Variants in JMJD1C observed in about 807,000 individuals in gnomAD.
The protein encoded by JMJD1C is jumonji domain-containing protein 1C.
In JMJD1C, 31 loss-of-function variants were observed where a neutral mutation model predicts 245.3. The ratio of observed to expected loss-of-function variants is 0.13; its 90% confidence interval spans 0.09 to 0.17. The LOEUF (loss-of-function observed/expected upper bound fraction) is 0.17. Ranked by LOEUF, JMJD1C falls within the 10% of genes least tolerant of loss-of-function variation. The probability of loss-of-function intolerance (pLI) is 1.00; values close to 1 mark genes in which losing one functional copy is unlikely to be tolerated. For synonymous variants in JMJD1C, 1,057 were observed against 1,017.4 expected, an observed-to-expected ratio of 1.04 and a Z score of -0.74; for missense variants, 2,691 against 3,000.2, an observed-to-expected ratio of 0.90 and a Z score of 2.41.
At chr10:63,339,252 C>T (rs1251829668) in intron 2 of JMJD1C, among the ~76,000 whole-genome samples, 1 of 152,086 alleles carries the variant, frequency 6.6e-6, no homozygotes, top group Non-Finnish European at 1.5e-5. Flanking sequence ...TCTTAGGAAA[C>T]AGTGCTGTAA....
chr10:63,219,754 G>A (rs532657070), intron 4 of JMJD1C, 124 bp downstream of exon 4: 2 of 567,234 alleles, frequency 3.5e-6, no homozygotes, highest in East Asian at 2.7e-5. Context: ...TTTCCTGGAT[G>A]TATATAACTC....
intron 3 of JMJD1C, among the ~76,000 whole-genome samples, chr10:63,244,802 T>C (rs2133550982): frequency 8.8e-6 from 1 of 113,202 alleles, no homozygotes; most frequent in East Asian, 3.2e-4. Flanking sequence ...GCAACACTCC[T>C]TCTCTTAAAA....
intron 1 of JMJD1C, among the ~76,000 whole-genome samples, chr10:63,462,057 C>G (rs542435482): frequency 3.3e-5 from 5 of 151,984 alleles, no homozygotes; most frequent in Non-Finnish European, 5.9e-5. Flanking sequence ...TATCCCAAGA[C>G]AAAACTCAGT....
intron 1 of JMJD1C, among the ~76,000 whole-genome samples, chr10:63,429,458 T>G (rs1950624186): frequency 6.6e-6 from 1 of 152,242 alleles, no homozygotes; most frequent in African/African-American, 2.4e-5. Flanking sequence ...ACTCATTTAT[T>G]GGCCAGAATT....
chr10:63,470,620 C>T (rs950132089), upstream of JMJD1C, among the ~76,000 whole-genome samples: 28 of 152,298 alleles, frequency 1.8e-4, no homozygotes, highest in East Asian at 5.4e-3. Flanking sequence ...ATCCAAAACA[C>T]TAGTCTATTC....
intron 3 of JMJD1C, among the ~76,000 whole-genome samples, chr10:63,233,724 A>ATT (rs1367247804): frequency 6.4e-4 from 81 of 127,330 alleles, no homozygotes; most frequent in Middle Eastern, 3.8e-3. Flanking sequence ...ATATATACAT[A>ATT]TTATATATAT....
At chr10:63,457,411 A>T (rs1463114806) in intron 1 of JMJD1C, among the ~76,000 whole-genome samples, 4 of 152,222 alleles carry the variant, frequency 2.6e-5, no homozygotes, top group African/African-American at 9.6e-5. Flanking sequence ...AAAGCTTCCA[A>T]ACAGTAGAGA....
chr10:63,260,960 TAAAA>T (rs1339106138), intron 3 of JMJD1C, among the ~76,000 whole-genome samples: 1 of 152,082 alleles, frequency 6.6e-6, no homozygotes, highest in Admixed American at 6.6e-5. Context: ...CCCAGCTAGC[TAAAA>T]AACACAGTAG....
intron 2 of JMJD1C, among the ~76,000 whole-genome samples, chr10:63,266,822 G>A (rs1855630071): frequency 6.6e-6 from 1 of 152,110 alleles, no homozygotes; most frequent in South Asian, 2.1e-4. Context: ...AAATAATACA[G>A]GTGGCTTGCA....
intron 2 of JMJD1C, among the ~76,000 whole-genome samples, chr10:63,350,421 C>T (rs544992431): frequency 6.6e-6 from 1 of 152,132 alleles, no homozygotes; most frequent in Non-Finnish European, 1.5e-5. Context: ...AGTCAAATAA[C>T]TTTTGCATAG....
chr10:63,377,746 T>A (rs535340218), intron 2 of JMJD1C, among the ~76,000 whole-genome samples: 1 of 150,962 alleles, frequency 6.6e-6, no homozygotes, highest in Non-Finnish European at 1.5e-5. Flanking sequence ...AAAAAAAAAA[T>A]TTAGCTAGGC....
intron 1 of JMJD1C, among the ~76,000 whole-genome samples, chr10:63,455,345 A>G (rs1306935087): frequency 6.6e-6 from 1 of 152,200 alleles, no homozygotes; most frequent in South Asian, 2.1e-4. Flanking sequence ...TCTGCACGTT[A>G]AAGCTTAACC....
chr10:63,465,462 G>C (rs1490209276), intron 1 of JMJD1C, 33 bp downstream of exon 1: 1 of 1,559,318 alleles, frequency 6.4e-7, no homozygotes, highest in Non-Finnish European at 8.7e-7. Context: ...GTGCGGGCGC[G>C]GCAGGGGAAA....
intron 2 of JMJD1C, among the ~76,000 whole-genome samples, chr10:63,361,300 G>A (rs1171851217): frequency 3.3e-5 from 5 of 152,138 alleles, no homozygotes; most frequent in African/African-American, 4.8e-5. Flanking sequence ...GCGCATGCCC[G>A]TAATCCCAGC....
chr10:63,188,615 G>T (rs1420784030), intron 18 of JMJD1C, among the ~76,000 whole-genome samples: 1 of 152,168 alleles, frequency 6.6e-6, no homozygotes, highest in African/African-American at 2.4e-5. Flanking sequence ...TTGCATTAAT[G>T]TAGTAAATTG....
intron 8 of JMJD1C, among the ~76,000 whole-genome samples, chr10:63,211,403 T>C (rs557769232): frequency 2.7e-5 from 4 of 150,496 alleles, no homozygotes; most frequent in African/African-American, 9.8e-5. Flanking sequence ...GAGGCAGAGG[T>C]TGCAGTGAGC....
intron 3 of JMJD1C, among the ~76,000 whole-genome samples, chr10:63,228,097 T>C (rs1451691436): frequency 6.6e-6 from 1 of 152,160 alleles, no homozygotes; most frequent in Non-Finnish European, 1.5e-5. Flanking sequence ...TGAATTATAA[T>C]AAGGGCTAGC....
At chr10:63,453,623 T>G (rs535569849) in intron 1 of JMJD1C, among the ~76,000 whole-genome samples, 2 of 152,356 alleles carry the variant, frequency 1.3e-5, no homozygotes, top group South Asian at 4.1e-4. Flanking sequence ...AGGAAAAATT[T>G]TTACTGATCC....
At position 63,219,965 on chromosome 10, in the gene JMJD1C, T is replaced by C. The variant is rs971843101; in HGVS notation, c.466A>G (p.Asn156Asp). 2 of 1,613,214 alleles carry C rather than the reference T, an allele frequency of 1.2e-6. No individual in the cohort carries two copies. Among genetic ancestry groups the C allele is most frequent in the Non-Finnish European group, 1.7e-6 (2 of 1,179,298 alleles). Reference protein sequence around the residue: ...QPYQDDIDSLNPVLRDNPQLH... With the variant: ...QPYQDDIDSLDPVLRDNPQLH... ...TGCGGGTTGTCCCTGAGAACTGGGT[T>C]TAGGCTGTCTATGTCGTCCTAGAAT... is the stretch of plus-strand genomic sequence containing the variant. The change falls in exon 4 of 26, where the codon AAC (asparagine) becomes GAC (aspartate). Residue 156 changes from asparagine (N) to aspartate (D), a missense_variant. Physicochemically the swap from Asn to Asp is conservative, Grantham distance 23 (BLOSUM62 1). Around this residue, in one of 9 missense-constraint regions of JMJD1C, gnomAD observed 172 missense variants for 240.8 expected, o/e 0.71. Transcript: ENST00000399262.
Sources: allele counts gnomAD v4.1 joint callset (sites outside exome capture counted in the v4.1 genomes callset), GRCh38; gene constraint gnomAD v4.1.1; regional missense constraint gnomAD v4.1.1; transcripts MANE v1.5; gene names NCBI Gene and HGNC (gene_info 2026-07-23, HGNC 2026-07-21).